Variants in GRID2 observed in about 807,000 individuals in gnomAD.
GRID2 encodes the protein glutamate ionotropic receptor delta type subunit 2.
GRID2 carries 33 observed loss-of-function variants against 114.8 expected under a neutral mutation model. The observed-to-expected ratio is 0.29, with a 90% CI of 0.22 to 0.38. GRID2 has a LOEUF of 0.38. GRID2 is among the 10% of genes least tolerant of loss of function. The pLI is 1.00. For missense variants in GRID2, 1,184 were observed against 1,257.7 expected (o/e 0.94, Z 0.89); for synonymous variants, 505 against 449.9 (o/e 1.12, Z -1.55).
At chr4:93,419,571 A>G (rs1262336367) in intron 9 of GRID2, among the ~76,000 whole-genome samples, 1 of 152,086 alleles carries the variant, frequency 6.6e-6, no homozygotes, top group Non-Finnish European at 1.5e-5. Context: ...CTTTAAAAAC[A>G]TTGATCCAGA....
chr4:92,600,094 C>G (rs191357395), intron 2 of GRID2, among the ~76,000 whole-genome samples: 1,082 of 106,298 alleles, frequency 0.01, 8 homozygotes, highest in Middle Eastern at 0.027. Flanking sequence ...ATATATTTCT[C>G]AGAATGTATT....
chr4:93,736,386 C>G (rs969949631), intron 14 of GRID2, among the ~76,000 whole-genome samples: 4 of 151,984 alleles, frequency 2.6e-5, no homozygotes, highest in Admixed American at 2.6e-4. Context: ...TCCAATCTTA[C>G]AAGACAAGAA....
intron 2 of GRID2, among the ~76,000 whole-genome samples, chr4:92,606,027 C>T (rs1461152699): frequency 7.3e-6 from 1 of 136,260 alleles, no homozygotes; most frequent in African/African-American, 2.6e-5. Context: ...AAGTGTTCTT[C>T]TTTCCAGGAA....
intron 8 of GRID2, among the ~76,000 whole-genome samples, chr4:93,352,945 G>A (rs991117146): frequency 6.6e-6 from 1 of 151,948 alleles, no homozygotes; most frequent in Non-Finnish European, 1.5e-5. Context: ...GATGTATTGT[G>A]GTCAACAGAA....
chr4:92,620,416 A>G (rs1002944368), intron 2 of GRID2, among the ~76,000 whole-genome samples: 1 of 151,786 alleles, frequency 6.6e-6, no homozygotes, highest in Non-Finnish European at 1.5e-5. Flanking sequence ...CTATGAAGCT[A>G]TGTTACAGGA....
chr4:93,697,745 A>G (rs1483437095), intron 14 of GRID2, among the ~76,000 whole-genome samples: 2 of 96,934 alleles, frequency 2.1e-5, no homozygotes. Flanking sequence ...GACTATAGTT[A>G]ATAACAATAC....
intron 2 of GRID2, among the ~76,000 whole-genome samples, chr4:93,051,048 A>C (rs1034268464): frequency 3.9e-5 from 6 of 152,052 alleles, no homozygotes; most frequent in African/African-American, 1.4e-4. Context: ...ATAGTGCTCC[A>C]CATCACTCTT....
intron 8 of GRID2, among the ~76,000 whole-genome samples, chr4:93,393,610 T>C (rs1765059954): frequency 6.6e-6 from 1 of 152,024 alleles, no homozygotes; most frequent in African/African-American, 2.4e-5. Flanking sequence ...TTTAGAATTA[T>C]AAAACCATTG....
chr4:93,552,500 T>A, intron 13 of GRID2, among the ~76,000 whole-genome samples: 1 of 152,094 alleles, frequency 6.6e-6, no homozygotes, highest in Non-Finnish European at 1.5e-5. Context: ...CCACCAACAG[T>A]GTAAAAGTGT....
At chr4:93,575,779 G>T (rs1736366806) in intron 13 of GRID2, among the ~76,000 whole-genome samples, 1 of 152,008 alleles carries the variant, frequency 6.6e-6, no homozygotes, top group South Asian at 2.1e-4. Flanking sequence ...CTTCATAAAG[G>T]AATAGATTTC....
chr4:93,650,046 A>T (rs1293090587), intron 14 of GRID2, among the ~76,000 whole-genome samples: 1 of 151,900 alleles, frequency 6.6e-6, no homozygotes, highest in Non-Finnish European at 1.5e-5. Context: ...GCACTAGGGT[A>T]CTCTTGGTGC....
intron 10 of GRID2, among the ~76,000 whole-genome samples, chr4:93,425,129 A>C (rs1768712978): frequency 6.6e-6 from 1 of 152,136 alleles, no homozygotes; most frequent in African/African-American, 2.4e-5. Context: ...TGTTTGCTAA[A>C]ATTTCAACAT....
intron 1 of GRID2, among the ~76,000 whole-genome samples, chr4:92,542,668 T>C (rs1004935366): frequency 1.3e-5 from 2 of 151,784 alleles, no homozygotes; most frequent in Non-Finnish European, 1.5e-5. Flanking sequence ...AGGCTACACA[T>C]TGGGTACAGG....
chr4:92,516,731 T>G lies in GRID2; in HGVS notation c.89-73400T>G, dbSNP rs149592613. On this transcript the variant is annotated intron_variant, in intron 1 of 15. Transcript: ENST00000282020. ...AGGCAACGAGATGAGTGTTGCCATG[T>G]TTCGGTTACTGTGCAGGCTTCCTGC... 5.0e-3 allele frequency among the ~76,000 whole-genome samples: 761 copies of G among 151,928 alleles called. 3 individuals carry two copies. The highest frequency in any genetic ancestry group is 0.02 in the South Asian group (97 of 4,808).
intron 8 of GRID2, among the ~76,000 whole-genome samples, chr4:93,292,960 G>T (rs187965791): frequency 6.6e-6 from 1 of 152,294 alleles, no homozygotes; most frequent in Admixed American, 6.5e-5. Flanking sequence ...ATTCAGTAAT[G>T]TGGCATCTGC....
chr4:93,521,501 T>A (rs575571113), intron 13 of GRID2, among the ~76,000 whole-genome samples: 3 of 152,224 alleles, frequency 2.0e-5, no homozygotes, highest in Non-Finnish European at 2.9e-5. Context: ...GAGGATCAAC[T>A]GTCTGTCAAA....
chr4:93,178,227 G>C (rs1382233199), intron 4 of GRID2, among the ~76,000 whole-genome samples: 1 of 151,836 alleles, frequency 6.6e-6, no homozygotes, highest in African/African-American at 2.4e-5. Flanking sequence ...TCAACCCACT[G>C]TCATGGGACT....
chr4:92,677,064 G>A (rs1244224025), intron 2 of GRID2, among the ~76,000 whole-genome samples: 2 of 152,144 alleles, frequency 1.3e-5, no homozygotes, highest in African/African-American at 4.8e-5. Context: ...GGTACCTAAA[G>A]TGTACAAATT....
At chr4:92,446,003 G>A (rs1733445358) in intron 1 of GRID2, among the ~76,000 whole-genome samples, 1 of 152,132 alleles carries the variant, frequency 6.6e-6, no homozygotes, top group Admixed American at 6.5e-5. Flanking sequence ...GGAGTGCAGT[G>A]GCACTGATTT....
Sources: gnomAD v4.1 joint callset for allele counts (sites outside exome capture counted in the v4.1 genomes callset) on GRCh38, gnomAD v4.1.1 for gene constraint, MANE v1.5 for transcripts, NCBI Gene and HGNC (gene_info 2026-07-23, HGNC 2026-07-21) for gene names.